LRP5: variants seen among roughly 807,000 people sequenced by gnomAD.
LRP5 encodes the protein low-density lipoprotein receptor-related protein 5.
A neutral mutation model predicts 154.1 loss-of-function variants in LRP5; 62 were observed. The observed-to-expected ratio is 0.40, with a 90% confidence interval of 0.33 to 0.50. The LOEUF is 0.50. LRP5 is among the 20% of genes least tolerant of loss of function. The pLI is 0.55. For missense variants in LRP5, 1,915 were observed against 2,336.7 expected, an observed-to-expected ratio of 0.82 and a Z score of 3.72; for synonymous variants, 966 against 1,011.5, an observed-to-expected ratio of 0.96 and a Z score of 0.85.
At chr11:68,331,381 T>C (rs1368688449) in intron 1 of LRP5, among the ~76,000 whole-genome samples, 13 of 152,342 alleles carry the variant, frequency 8.5e-5, no homozygotes, top group African/African-American at 3.1e-4. Context: ...GCCAGTTCCC[T>C]TGTGGGGCCA....
intron 1 of LRP5, among the ~76,000 whole-genome samples, chr11:68,318,524 A>T (rs939475454): frequency 4.0e-5 from 6 of 151,790 alleles, no homozygotes; most frequent in African/African-American, 1.5e-4. Flanking sequence ...TTTTTTGTAG[A>T]GACAGGGTTT....
At chr11:68,435,290 T>C (rs2153179568) in intron 18 of LRP5, among the ~76,000 whole-genome samples, 1 of 152,328 alleles carries the variant, frequency 6.6e-6, no homozygotes, top group East Asian at 1.9e-4. Context: ...TGGTCCATTT[T>C]GCATTGCTAT....
intron 9 of LRP5, among the ~76,000 whole-genome samples, chr11:68,407,225 G>A (rs908656690): frequency 2.7e-5 from 4 of 148,948 alleles, no homozygotes; most frequent in East Asian, 2.0e-4. Flanking sequence ...CTGGAGTACC[G>A]TAGCGTGAGC....
intron 1 of LRP5, among the ~76,000 whole-genome samples, chr11:68,341,059 C>CTTTTTTTTTTTTTTTTTTGTTT (rs2098608786): frequency 1.2e-5 from 1 of 83,496 alleles, no homozygotes; most frequent in Non-Finnish European, 2.4e-5. Flanking sequence ...GGAGATTGTT[C>CTTTTTTTTTTTTTTTTTTGTTT]TTTTTTTTTT....
At chr11:68,370,157 T>C (rs2098633238) in intron 5 of LRP5, among the ~76,000 whole-genome samples, 1 of 152,102 alleles carries the variant, frequency 6.6e-6, no homozygotes, top group Non-Finnish European at 1.5e-5. Flanking sequence ...GCAGGGGCTA[T>C]AGACTTAGGT....
intron 16 of LRP5, among the ~76,000 whole-genome samples, chr11:68,426,433 T>G (rs1345139557): frequency 6.6e-6 from 1 of 151,596 alleles, no homozygotes; most frequent in Non-Finnish European, 1.5e-5. Flanking sequence ...CTTTTTTTTT[T>G]TTTTTTTTTG....
Position 68,357,767 on chromosome 11 carries a change from C to A in LRP5, c.606C>A (p.Ile202=), listed in dbSNP as rs772705728. Residue 202 remains isoleucine, a synonymous_variant, in exon 3 of 23, where the codon ATC becomes ATA. Coordinates refer to ENST00000294304, the MANE Select transcript of LRP5 (RefSeq NM_002335.4). The part of the protein sequence containing the change: ...SDIYWPNGLT[I]DLEEQKLYWA... ...TTTACTGGCCCAATGGACTGACCAT[C>A]GACCTGGAGGAGCAGAAGCTCTACT... The A allele has an allele frequency of 6.2e-7, 1 of 1,614,120 alleles. No homozygotes were observed. The highest frequency in any genetic ancestry group is 8.5e-7 in the Non-Finnish European group (1 of 1,179,996).
chr11:68,343,973 G>A (rs1328177974), intron 1 of LRP5, among the ~76,000 whole-genome samples: 5 of 152,166 alleles, frequency 3.3e-5, no homozygotes, highest in African/African-American at 1.2e-4. Flanking sequence ...GAGTTGGGGT[G>A]CCTGCAGGCT....
chr11:68,437,867 C>A (rs113620241), intron 19 of LRP5, among the ~76,000 whole-genome samples: 1 of 152,252 alleles, frequency 6.6e-6, no homozygotes, highest in African/African-American at 2.4e-5. Context: ...AGCCAGGCCT[C>A]GCCGCCAGAG....
chr11:68,348,354 A>C (rs1010711796), intron 2 of LRP5, 111 bp downstream of exon 2: 18 of 1,425,994 alleles, frequency 1.3e-5, no homozygotes, highest in African/African-American at 1.3e-4. Flanking sequence ...GTGACTCTGA[A>C]AATGAACCCG....
chr11:68,421,245 C>A (rs114146341), intron 13 of LRP5, among the ~76,000 whole-genome samples: 2 of 151,714 alleles, frequency 1.3e-5, no homozygotes, highest in African/African-American at 2.4e-5. Context: ...CTCTGTCTCA[C>A]GCAAGACTCC....
chr11:68,384,879 C>A (rs962622429), intron 5 of LRP5, among the ~76,000 whole-genome samples: 1 of 152,204 alleles, frequency 6.6e-6, no homozygotes, highest in African/African-American at 2.4e-5. Flanking sequence ...CTTGGGTTTG[C>A]ACGCCTCTGG....
chr11:68,304,318 C>T, the LRP5 span, among the ~76,000 whole-genome samples: 1 of 152,266 alleles, frequency 6.6e-6, no homozygotes, highest in Non-Finnish European at 1.5e-5. Context: ...ACCTTGGCAG[C>T]TTCCATGTGG....
chr11:68,448,497 G>GT (rs2098682642), intron 22 of LRP5, among the ~76,000 whole-genome samples: 2 of 152,364 alleles, frequency 1.3e-5, no homozygotes, highest in East Asian at 1.9e-4. Context: ...AAGAGGTCAA[G>GT]TAAGTTCCTG....
At position 68,386,687 on chromosome 11, in the gene LRP5, G is replaced by A. The variant is rs1222239297; in HGVS notation, c.1387G>A (p.Ala463Thr). ...GTCGGAGGACCTGGACGAGCCCCGA[G>A]CCATCGCACTGCACCCCGTGATGGG... is the stretch of plus-strand genomic sequence containing the variant. The part of the protein sequence containing the change: ...LVSEDLDEPR[A>T]IALHPVMGLM... Residue 463 changes from alanine to threonine, a missense_variant, in exon 6 of 23, where the codon GCC becomes ACC. Coordinates refer to ENST00000294304, the MANE Select transcript of LRP5 (RefSeq NM_002335.4). This position sits in a 1 kb window ranked among gnomAD's most constrained non-coding sequence, Gnocchi z 7.9. 1.2e-6 allele frequency: 2 copies of A among 1,613,334 alleles called. No homozygotes were observed. Among genetic ancestry groups the A allele is most frequent in the Non-Finnish European group, 1.7e-6 (2 of 1,179,910 alleles).
chr11:68,349,168 G>T (rs2098616283), intron 2 of LRP5, among the ~76,000 whole-genome samples: 1 of 151,592 alleles, frequency 6.6e-6, no homozygotes, highest in Admixed American at 6.6e-5. Context: ...AAGTAGCTGG[G>T]ATTACAGGCG....
rs546897692 is a variant in LRP5, at chr11:68,340,240, CAAAATAAAAATA to C, written c.92-7591_92-7580del. Reference sequence around the variant, plus strand: ...GGGCAACTAGAGTGAAACTCCGTCTCAAAATAAAAATAAAAATAAAAATAAAAGGAATGATCA... The same window carrying C: ...GGGCAACTAGAGTGAAACTCCGTCTCAAAATAAAAATAAAAGGAATGATCA... On this transcript the variant is annotated intron_variant, in intron 1 of 22. Coordinates refer to ENST00000294304, the MANE Select transcript of LRP5 (RefSeq NM_002335.4). Among the ~76,000 whole-genome samples, 6 of 151,972 alleles carry C rather than the reference CAAAATAAAAATA, an allele frequency of 3.9e-5. 1 individual carries two copies. The South Asian group carries it at 8.3e-4, about 21-fold the overall frequency.
At chr11:68,349,125 C>T (rs540773279) in intron 2 of LRP5, among the ~76,000 whole-genome samples, 159 of 150,996 alleles carry the variant, frequency 1.1e-3, no homozygotes, top group African/African-American at 3.5e-3. Flanking sequence ...CTTCGCCTCC[C>T]GGGTTCAAGT....
At chr11:68,400,560 AAAAT>A (rs34152966) in intron 7 of LRP5, among the ~76,000 whole-genome samples, 71 of 148,012 alleles carry the variant, frequency 4.8e-4, no homozygotes, top group Non-Finnish European at 2.7e-4. Context: ...GTCTCTACTA[AAAAT>A]AAATAAATAA....
Sources: allele counts gnomAD v4.1 joint callset (sites outside exome capture counted in the v4.1 genomes callset), GRCh38; gene constraint gnomAD v4.1.1; non-coding constraint Gnocchi (gnomAD v3.1); transcripts MANE v1.5; gene names NCBI Gene and HGNC (gene_info 2026-07-23, HGNC 2026-07-21).